Variants in WDR70 observed in about 807,000 individuals in gnomAD.
WDR70 encodes WD repeat domain 70.
Under a neutral mutation model 88.6 loss-of-function variants are expected in WDR70, and 53 were observed. The observed-to-expected ratio is 0.60, with a 90% confidence interval of 0.48 to 0.75. The LOEUF is 0.75. Among genes scored for constraint, WDR70 ranks in the 30% least tolerant of loss-of-function variants. WDR70 has a pLI of 0.00. For synonymous variants in WDR70, 280 were observed against 270.0 expected (o/e 1.04, Z -0.36); for missense variants, 610 against 823.2 (o/e 0.74, Z 3.17).
In WDR70 at chr5:37,462,874, A is replaced by C. The variant is rs559186190; in HGVS notation, c.687-16960A>C. On this transcript the variant is annotated intron_variant, in intron 7 of 17. Coordinates refer to ENST00000265107, the MANE Select transcript of WDR70 (RefSeq NM_018034.4). ...TCTCATGTTTTTTTCAGTGGAGGAAACCAGGACTCAGCAAAGTTATATTAA... is the reference window on the plus strand; with the variant it reads ...TCTCATGTTTTTTTCAGTGGAGGAACCCAGGACTCAGCAAAGTTATATTAA... Among the ~76,000 whole-genome samples, 42 of 152,186 alleles carry C rather than the reference A, an allele frequency of 2.8e-4. No individual in the cohort carries two copies. In the South Asian group the frequency reaches 8.7e-3, roughly 32 times the overall value.
chr5:37,401,875 A>G (rs1027639403), intron 5 of WDR70, among the ~76,000 whole-genome samples: 2 of 152,182 alleles, frequency 1.3e-5, no homozygotes, highest in Non-Finnish European at 2.9e-5. Context: ...GTAATGATCA[A>G]ATCAGGGTGA....
chr5:37,559,695 A>G (rs12656134), intron 9 of WDR70, among the ~76,000 whole-genome samples: 87,251 of 151,732 alleles, frequency 0.58, 27,139 homozygotes, highest in Non-Finnish European at 0.69. Flanking sequence ...AAATACAAAA[A>G]TTAGCTGGGG....
chr5:37,538,881 G>C lies in WDR70; in HGVS notation c.917+22291G>C, dbSNP rs182509450. Among the ~76,000 whole-genome samples, 4 of 152,292 alleles carry C rather than the reference G, an allele frequency of 2.6e-5. No individual in the cohort carries two copies. The East Asian group carries it at 5.8e-4, about 22-fold the overall frequency. ...TATCCAAAGGAAGTAATTTCTACTTGTGAATTTCTATGATCTAATGAGGAA... is the reference window on the plus strand; with the variant it reads ...TATCCAAAGGAAGTAATTTCTACTTCTGAATTTCTATGATCTAATGAGGAA... On this transcript the variant is annotated intron_variant, in intron 9 of 17. Coordinates refer to ENST00000265107, the MANE Select transcript of WDR70 (RefSeq NM_018034.4).
chr5:37,527,938 C>G (rs892075410), intron 9 of WDR70, among the ~76,000 whole-genome samples: 19 of 152,316 alleles, frequency 1.2e-4, no homozygotes, highest in African/African-American at 4.3e-4. Flanking sequence ...GATACCATCT[C>G]TCACCAGTTA....
At chr5:37,636,112 G>A (rs1370869221) in intron 10 of WDR70, among the ~76,000 whole-genome samples, 1 of 152,080 alleles carries the variant, frequency 6.6e-6, no homozygotes, top group Non-Finnish European at 1.5e-5. Flanking sequence ...ACATGAGAAT[G>A]GACTAATACA....
At chr5:37,396,865 C>T (rs961353037) in intron 5 of WDR70, among the ~76,000 whole-genome samples, 1 of 151,988 alleles carries the variant, frequency 6.6e-6, no homozygotes, top group Non-Finnish European at 1.5e-5. Flanking sequence ...GGAAAAAGGC[C>T]GGTACAGTGG....
At chr5:37,560,514 G>A (rs1742469304) in intron 9 of WDR70, among the ~76,000 whole-genome samples, 1 of 152,024 alleles carries the variant, frequency 6.6e-6, no homozygotes, top group South Asian at 2.1e-4. Flanking sequence ...TTTTTCTGCT[G>A]TTTCAAATAT....
chr5:37,631,032 A>G (rs951498464), intron 10 of WDR70, among the ~76,000 whole-genome samples: 7 of 152,114 alleles, frequency 4.6e-5, no homozygotes, highest in African/African-American at 1.7e-4. Flanking sequence ...CCTTTTTCCC[A>G]TGATGGAAAG....
intron 10 of WDR70, among the ~76,000 whole-genome samples, chr5:37,626,478 T>G (rs1341760446): frequency 6.6e-6 from 1 of 152,202 alleles, no homozygotes; most frequent in Non-Finnish European, 1.5e-5. Context: ...TTATGATGTA[T>G]CCTCTTACTG....
At chr5:37,704,662 A>C (rs1035158569) in intron 13 of WDR70, among the ~76,000 whole-genome samples, 2 of 152,210 alleles carry the variant, frequency 1.3e-5, no homozygotes, top group Non-Finnish European at 2.9e-5. Context: ...TGTTCACTGC[A>C]GTATCCTCGA....
At chr5:37,742,132 G>A (rs1748499781) in intron 17 of WDR70, among the ~76,000 whole-genome samples, 1 of 152,114 alleles carries the variant, frequency 6.6e-6, no homozygotes, top group South Asian at 2.1e-4. Context: ...TCACATGGCA[G>A]TTCTATTTTT....
intron 17 of WDR70, among the ~76,000 whole-genome samples, chr5:37,739,658 T>C (rs1313237534): frequency 6.6e-6 from 1 of 152,156 alleles, no homozygotes; most frequent in Non-Finnish European, 1.5e-5. Flanking sequence ...TTCATATATA[T>C]ATATACTTTA....
intron 7 of WDR70, among the ~76,000 whole-genome samples, chr5:37,448,982 A>G (rs562215468): frequency 7.9e-5 from 12 of 152,324 alleles, no homozygotes; most frequent in African/African-American, 2.6e-4. Flanking sequence ...CTTTCTTATT[A>G]CATCATATCG....
chr5:37,674,981 T>A (rs1318855342), intron 10 of WDR70, among the ~76,000 whole-genome samples: 1 of 151,058 alleles, frequency 6.6e-6, no homozygotes, highest in Non-Finnish European at 1.5e-5. Context: ...CTCTGATGGC[T>A]AGTGATGATG....
chr5:37,659,904 T>C (rs373294581), intron 10 of WDR70, among the ~76,000 whole-genome samples: 1 of 152,208 alleles, frequency 6.6e-6, no homozygotes, highest in African/African-American at 2.4e-5. Flanking sequence ...CTTCAACATA[T>C]GAATTTTGGG....
chr5:37,409,457 A>G (rs1749455770), intron 5 of WDR70, among the ~76,000 whole-genome samples: 1 of 151,540 alleles, frequency 6.6e-6, no homozygotes, highest in Admixed American at 6.6e-5. Flanking sequence ...AGGTATAAAA[A>G]CTGCCTTTTT....
At chr5:37,397,961 T>A (rs1442375126) in intron 5 of WDR70, among the ~76,000 whole-genome samples, 6 of 139,468 alleles carry the variant, frequency 4.3e-5, no homozygotes, top group Non-Finnish European at 7.6e-5. Flanking sequence ...GCACCACTGC[T>A]CTCCAGCCTG....
intron 9 of WDR70, among the ~76,000 whole-genome samples, chr5:37,549,868 C>CT (rs112467824): frequency 1.0e-3 from 142 of 141,614 alleles, no homozygotes; most frequent in Middle Eastern, 7.2e-3. Context: ...TTTTTTTTTG[C>CT]TTTTTTTTTT....
At chr5:37,618,175 T>C (rs1156264933) in intron 10 of WDR70, among the ~76,000 whole-genome samples, 1 of 152,208 alleles carries the variant, frequency 6.6e-6, no homozygotes, top group Admixed American at 6.5e-5. Context: ...GTTTAAAATA[T>C]ATCCATAAGA....
Sources: allele counts gnomAD v4.1 joint callset (sites outside exome capture counted in the v4.1 genomes callset), GRCh38; gene constraint gnomAD v4.1.1; transcripts MANE v1.5; gene names NCBI Gene and HGNC (gene_info 2026-07-23, HGNC 2026-07-21).